The following KCNH8 variants were observed in gnomAD, a reference collection of about 807,000 sequenced individuals.
KCNH8 encodes voltage-gated delayed rectifier potassium channel KCNH8.
KCNH8 carries 70 observed loss-of-function variants against 103.6 expected under a neutral mutation model. The ratio of observed to expected loss-of-function variants is 0.68; its 90% CI spans 0.56 to 0.82. KCNH8 has a LOEUF of 0.82. Ranked by LOEUF, KCNH8 falls within the 40% of genes least tolerant of loss-of-function variation. The pLI is 0.00. For missense variants in KCNH8, 1,217 were observed against 1,329.9 expected (o/e 0.92, Z 1.32); for synonymous variants, 498 against 489.4 (o/e 1.02, Z -0.23).
chr3:19,362,569 G>A (rs1032423854), intron 5 of KCNH8, among the ~76,000 whole-genome samples: 2 of 152,178 alleles, frequency 1.3e-5, no homozygotes, highest in Non-Finnish European at 2.9e-5. Context: ...AATACCTTCA[G>A]CTATAAATAA....
At chr3:19,507,628 C>T (rs1201149135) in intron 11 of KCNH8, among the ~76,000 whole-genome samples, 1 of 152,146 alleles carries the variant, frequency 6.6e-6, no homozygotes, top group African/African-American at 2.4e-5. Flanking sequence ...CTGACATGTT[C>T]AGGTGGGGAC....
intron 2 of KCNH8, among the ~76,000 whole-genome samples, chr3:19,274,712 G>A (rs1022726438): frequency 2.0e-5 from 3 of 151,908 alleles, no homozygotes; most frequent in South Asian, 4.2e-4. Flanking sequence ...ACATACACCT[G>A]GGAAATGAAT....
intron 3 of KCNH8, among the ~76,000 whole-genome samples, chr3:19,340,855 T>C (rs1012004479): frequency 6.6e-6 from 1 of 152,094 alleles, no homozygotes; most frequent in African/African-American, 2.4e-5. Context: ...TTGGAGGAAA[T>C]AATTCAGCCA....
At chr3:19,408,404 A>G (rs1375380746) in intron 7 of KCNH8, among the ~76,000 whole-genome samples, 1 of 152,182 alleles carries the variant, frequency 6.6e-6, no homozygotes, top group Non-Finnish European at 1.5e-5. Flanking sequence ...TAGAAGTGCC[A>G]GCATCTCCAG....
rs991899517 is a variant in KCNH8, at chr3:19,240,628, C to CA, written c.77-13018dup. Among the ~76,000 whole-genome samples, 158 of 141,996 alleles carry CA rather than the reference C, an allele frequency of 1.1e-3. 1 individual carries two copies. The highest frequency in any genetic ancestry group is 3.2e-3 in the African/African-American group (124 of 38,448). 93.2% of individuals were successfully genotyped at this position (141,996 alleles called of 152,430 possible). The stretch of plus-strand genomic sequence containing the variant: ...ACTCTGTCTAAAAAAAAAAAAAAAA[C>CA]AAAAAAAACTTCGGAATCTATTCAA... On this transcript the variant is annotated intron_variant, in intron 1 of 15. Coordinates refer to ENST00000328405, the MANE Select transcript of KCNH8 (RefSeq NM_144633.3).
intron 4 of KCNH8, chr3:19,346,574 C>G: frequency 2.2e-6 from 1 of 455,196 alleles, no homozygotes; most frequent in Non-Finnish European, 4.4e-6. Flanking sequence ...ATTAAGGTAG[C>G]AGAACTATTC....
At chr3:19,311,466 T>C (rs2065207707) in intron 3 of KCNH8, among the ~76,000 whole-genome samples, 1 of 151,208 alleles carries the variant, frequency 6.6e-6, no homozygotes, top group South Asian at 2.1e-4. Flanking sequence ...TATTTGACTT[T>C]TTTGCAATAT....
At chr3:19,411,557 AAAG>A (rs1168746028) in intron 7 of KCNH8, among the ~76,000 whole-genome samples, 5 of 152,104 alleles carry the variant, frequency 3.3e-5, no homozygotes, top group African/African-American at 1.2e-4. Flanking sequence ...CCAAACAGGA[AAAG>A]AAGAAGTCAA....
At chr3:19,209,580 C>T (rs1267992336) in intron 1 of KCNH8, among the ~76,000 whole-genome samples, 1 of 152,048 alleles carries the variant, frequency 6.6e-6, no homozygotes, top group Non-Finnish European at 1.5e-5. Context: ...ATGTAGACTA[C>T]CTTAAATTAT....
At chr3:19,442,299 T>C (rs558926869) in intron 8 of KCNH8, among the ~76,000 whole-genome samples, 1 of 152,340 alleles carries the variant, frequency 6.6e-6, no homozygotes, top group East Asian at 1.9e-4. Flanking sequence ...ACACAGTCTA[T>C]ACTTATTTAA....
intron 1 of KCNH8, among the ~76,000 whole-genome samples, chr3:19,159,208 A>G (rs1219879224): frequency 2.0e-5 from 3 of 151,846 alleles, no homozygotes; most frequent in Non-Finnish European, 4.4e-5. Context: ...ATATTGAACT[A>G]TCTTTGCATC....
intron 1 of KCNH8, among the ~76,000 whole-genome samples, chr3:19,250,912 C>T (rs534223599): frequency 6.6e-6 from 1 of 152,132 alleles, no homozygotes; most frequent in Non-Finnish European, 1.5e-5. Flanking sequence ...CTGGCATTAT[C>T]ATATAATAGA....
intron 3 of KCNH8, among the ~76,000 whole-genome samples, chr3:19,322,498 T>A (rs1324458374): frequency 6.6e-6 from 1 of 152,214 alleles, no homozygotes; most frequent in East Asian, 1.9e-4. Flanking sequence ...ATTGTTTTGT[T>A]TTAGGAGGCT....
At chr3:19,168,042 C>A (rs1476573349) in intron 1 of KCNH8, among the ~76,000 whole-genome samples, 1 of 149,454 alleles carries the variant, frequency 6.7e-6, no homozygotes, top group African/African-American at 2.5e-5. Flanking sequence ...TGGAGTTTCA[C>A]TATTGTCACC....
chr3:19,411,666 G>A (rs2066781245), intron 7 of KCNH8, among the ~76,000 whole-genome samples: 2 of 151,828 alleles, frequency 1.3e-5, no homozygotes, highest in African/African-American at 4.8e-5. Context: ...GCAAATTTCA[G>A]GATAGAAAAT....
At chr3:19,318,640 A>AGT (rs113809907) in intron 3 of KCNH8, among the ~76,000 whole-genome samples, 1,349 of 131,292 alleles carry the variant, frequency 0.01, 15 homozygotes, top group African/African-American at 0.023. Flanking sequence ...TTACATGGTA[A>AGT]GTGTGTGTGT....
chr3:19,316,702 A>C (rs1362841983), intron 3 of KCNH8, among the ~76,000 whole-genome samples: 1 of 151,972 alleles, frequency 6.6e-6, no homozygotes. Context: ...GATTGCATGC[A>C]GAGCAGCAAT....
At chr3:19,465,848 A>G (rs916276541) in intron 11 of KCNH8, among the ~76,000 whole-genome samples, 2 of 152,162 alleles carry the variant, frequency 1.3e-5, no homozygotes, top group African/African-American at 4.8e-5. Flanking sequence ...AAGAATTAGA[A>G]TTAGAAGTGG....
At chr3:19,462,650 A>C (rs186653875) in intron 11 of KCNH8, among the ~76,000 whole-genome samples, 7 of 152,174 alleles carry the variant, frequency 4.6e-5, no homozygotes, top group African/African-American at 1.7e-4. Context: ...GTTTAATTAG[A>C]TCCCATTTGT....
Sources: allele counts gnomAD v4.1 joint callset (sites outside exome capture counted in the v4.1 genomes callset), GRCh38; gene constraint gnomAD v4.1.1; transcripts MANE v1.5; gene names NCBI Gene and HGNC (gene_info 2026-07-23, HGNC 2026-07-21).